The following SPOP variants were observed in gnomAD, a reference collection of about 807,000 sequenced individuals.
SPOP encodes the protein speckle-type POZ protein.
In SPOP, 11 loss-of-function variants were observed where a neutral mutation model predicts 45.6. The observed-to-expected ratio is 0.24, with a 90% CI of 0.15 to 0.40. The LOEUF (loss-of-function observed/expected upper bound fraction) is 0.40, where lower values mean the gene tolerates loss of function less well. SPOP is among the 10% of genes least tolerant of loss of function. The pLI, the probability that SPOP is intolerant of heterozygous loss-of-function variation, is 1.00. For synonymous variants in SPOP, 166 were observed against 166.3 expected (o/e 1.00, Z 0.01); for missense variants, 152 against 465.6 (o/e 0.33, Z 6.20).
intron 1 of SPOP, among the ~76,000 whole-genome samples, chr17:49,651,209 T>C (rs1416057338): frequency 2.6e-5 from 4 of 152,190 alleles, no homozygotes; most frequent in Non-Finnish European, 4.4e-5. Context: ...AAGAAAGATA[T>C]TGGTGAGGCA....
chr17:49,635,121 A>G (rs2072519222), intron 1 of SPOP, among the ~76,000 whole-genome samples: 1 of 152,244 alleles, frequency 6.6e-6, no homozygotes, highest in South Asian at 2.1e-4. Context: ...TGCCTTACCT[A>G]GAAACAATCT....
At chr17:49,643,972 G>C (rs2072707734) in intron 1 of SPOP, among the ~76,000 whole-genome samples, 1 of 148,772 alleles carries the variant, frequency 6.7e-6, no homozygotes, top group African/African-American at 2.5e-5. Flanking sequence ...GAGTTAAAAA[G>C]TAGTAAAAGA....
In SPOP at chr17:49,619,204, T is replaced by C. The variant is rs755653752; in HGVS notation, c.352+30A>G. The C allele has an allele frequency of 1.1e-5, 18 of 1,613,828 alleles. No homozygotes were observed. In the South Asian group the frequency reaches 2.0e-4, roughly 18 times the overall value. The stretch of plus-strand genomic sequence containing the variant: ...GTATGAAACTTCTGGATGTGAAACT[T>C]AAGAGTTGAACAAAGAGGAGAACAT... On this transcript the variant is annotated intron_variant, in intron 4 of 9. Coordinates refer to ENST00000504102, the MANE Select transcript of SPOP (RefSeq NM_001007228.2). This position sits in a 1 kb window ranked among gnomAD's most constrained non-coding sequence, Gnocchi z 4.9.
At chr17:49,666,107 T>C (rs2073053861) in intron 1 of SPOP, among the ~76,000 whole-genome samples, 1 of 151,838 alleles carries the variant, frequency 6.6e-6, no homozygotes, top group African/African-American at 2.4e-5. Flanking sequence ...TAGTACAAGA[T>C]AGGCAAAAAG....
chr17:49,670,979 C>T (rs565632767), intron 1 of SPOP, among the ~76,000 whole-genome samples: 1 of 152,078 alleles, frequency 6.6e-6, no homozygotes, highest in African/African-American at 2.4e-5. Context: ...ATAATAAAAC[C>T]GCCACATCCC....
At chr17:49,673,880 C>T (rs997595126) in intron 1 of SPOP, among the ~76,000 whole-genome samples, 2 of 151,772 alleles carry the variant, frequency 1.3e-5, no homozygotes, top group Admixed American at 1.3e-4. Flanking sequence ...GGCGTGGTGG[C>T]TCAGGCCTGT....
chr17:49,628,755 G>C (rs932530420), intron 1 of SPOP, among the ~76,000 whole-genome samples: 2 of 152,210 alleles, frequency 1.3e-5, no homozygotes, highest in African/African-American at 4.8e-5. Flanking sequence ...TATTCAACCT[G>C]TAATGCTGTC....
intron 8 of SPOP, among the ~76,000 whole-genome samples, chr17:49,603,958 CA>C (rs982104245): frequency 3.9e-5 from 6 of 152,162 alleles, no homozygotes; most frequent in Non-Finnish European, 1.5e-5. Flanking sequence ...GGCTAGGGAG[CA>C]AGAATGAAAA....
intron 1 of SPOP, among the ~76,000 whole-genome samples, chr17:49,652,041 G>T (rs554796400): frequency 2.0e-5 from 3 of 151,948 alleles, no homozygotes; most frequent in Non-Finnish European, 4.4e-5. Context: ...GGAAGAATAA[G>T]TTTTCCCCAC....
chr17:49,656,101 C>G (rs186711259), intron 1 of SPOP, among the ~76,000 whole-genome samples: 1 of 152,202 alleles, frequency 6.6e-6, no homozygotes, highest in African/African-American at 2.4e-5. Flanking sequence ...TGTGAGCCAC[C>G]GTGCCCAGCC....
intron 1 of SPOP, among the ~76,000 whole-genome samples, chr17:49,654,642 G>A (rs1041848772): frequency 1.3e-5 from 2 of 152,022 alleles, no homozygotes; most frequent in Admixed American, 6.6e-5. Context: ...AAAATTAGCC[G>A]GGCGTGGTGG....
rs1381612365 is a variant in SPOP, at chr17:49,599,433, G to A, written c.*945C>T. 3 of 225,894 alleles carry A rather than the reference G, an allele frequency of 1.3e-5. No homozygotes were observed. Among genetic ancestry groups the A allele is most frequent in the Non-Finnish European group, 2.6e-5 (3 of 113,344 alleles). The allele number at this position is 225,894 out of a possible 1,614,324, so 14.0% of individuals were successfully genotyped here. Reference sequence around the variant, plus strand: ...ACAAACAGCTGAGCAATCTGGGCTGGGATTTTATCACACAGCATTTTTAAT... The same window carrying A: ...ACAAACAGCTGAGCAATCTGGGCTGAGATTTTATCACACAGCATTTTTAAT... On this transcript the variant is annotated 3_prime_UTR_variant, in exon 10 of 10. Transcript: ENST00000504102.
intron 1 of SPOP, among the ~76,000 whole-genome samples, chr17:49,634,417 G>A (rs936365763): frequency 6.6e-6 from 1 of 152,224 alleles, no homozygotes; most frequent in Non-Finnish European, 1.5e-5. Context: ...ATCAGAAAAG[G>A]AGGAAGCAGG....
At chr17:49,649,902 T>C (rs2072818526) in intron 1 of SPOP, among the ~76,000 whole-genome samples, 1 of 152,154 alleles carries the variant, frequency 6.6e-6, no homozygotes. Context: ...CATTTATTTA[T>C]TTATTGAGAC....
chr17:49,674,463 C>A (rs942765976), intron 1 of SPOP, among the ~76,000 whole-genome samples: 2 of 152,118 alleles, frequency 1.3e-5, no homozygotes, highest in South Asian at 4.1e-4. Flanking sequence ...AGAAAGTTAT[C>A]CATTTCTTCT....
At chr17:49,646,194 T>C (rs1391865086) in intron 1 of SPOP, 1 of 152,198 alleles carries the variant, frequency 6.6e-6, no homozygotes, top group Non-Finnish European at 1.5e-5. Context: ...TTAGGAATTA[T>C]AAGGCCACTT....
intron 1 of SPOP, among the ~76,000 whole-genome samples, chr17:49,626,384 T>C (rs1044595703): frequency 1.3e-5 from 2 of 152,168 alleles, no homozygotes; most frequent in African/African-American, 4.8e-5. Flanking sequence ...TCAAATCCTC[T>C]GCAGAAAGAG....
intron 8 of SPOP, among the ~76,000 whole-genome samples, chr17:49,603,366 C>A (rs1420537744): frequency 6.6e-6 from 1 of 152,212 alleles, no homozygotes; most frequent in Non-Finnish European, 1.5e-5. Flanking sequence ...TATCCTTTCT[C>A]AATACATTCT....
chr17:49,637,725 C>T (rs934322489), intron 1 of SPOP, among the ~76,000 whole-genome samples: 1 of 150,204 alleles, frequency 6.7e-6, no homozygotes, highest in East Asian at 2.0e-4. Flanking sequence ...TCAATATTTA[C>T]AAGAAAAGAG....
Sources: allele counts gnomAD v4.1 joint callset (sites outside exome capture counted in the v4.1 genomes callset), GRCh38; gene constraint gnomAD v4.1.1; non-coding constraint Gnocchi (gnomAD v3.1); transcripts MANE v1.5; gene names NCBI Gene and HGNC (gene_info 2026-07-23, HGNC 2026-07-21).